Variants in PARD6G observed in about 807,000 individuals in gnomAD.
The protein encoded by PARD6G is partitioning defective 6 homolog gamma.
Under a neutral mutation model 10.7 loss-of-function variants are expected in PARD6G, and 7 were observed. The observed-to-expected ratio is 0.66, with a 90% CI of 0.37 to 1.23. The LOEUF is 1.23. Among genes scored for constraint, PARD6G ranks in the 50% most tolerant of loss-of-function variants. The pLI, the probability that PARD6G is intolerant of heterozygous loss-of-function variation, is 0.02. For missense variants in PARD6G, 548 were observed against 571.8 expected, an observed-to-expected ratio of 0.96 and a Z score of 0.42; for synonymous variants, 287 against 269.4, an observed-to-expected ratio of 1.07 and a Z score of -0.64.
At position 80,246,932 on chromosome 18, in the gene PARD6G, C is replaced by T. The variant is rs902200799; in HGVS notation, c.72+345G>A. On this transcript the variant is annotated intron_variant, in intron 1 of 2. Transcript: ENST00000353265. This position sits in a 1 kb window ranked among gnomAD's most constrained non-coding sequence, Gnocchi z 6.7. ...AGCAGCCCCTGGCCCTCAACTCGCC[C>T]CGGAAAGGCCGCCCTCCCCTCCAAT... is the stretch of plus-strand genomic sequence containing the variant. 6.6e-6 allele frequency among the ~76,000 whole-genome samples: 1 copy of T among 152,138 alleles called. No individual in the cohort carries two copies. Among genetic ancestry groups the T allele is most frequent in the Non-Finnish European group, 1.5e-5 (1 of 67,998 alleles).
intron 2 of PARD6G, among the ~76,000 whole-genome samples, chr18:80,168,573 T>TTGTGTTTG (rs1555733994): frequency 6.9e-6 from 1 of 144,336 alleles, no homozygotes; most frequent in Non-Finnish European, 1.5e-5. Context: ...CAAATTATGT[T>TTGTGTTTG]TGTGTGTGTG....
rs1401686153 is a variant in PARD6G, at chr18:80,231,087, C to A, written c.72+16190G>T. Among the ~76,000 whole-genome samples the A allele has an allele frequency of 6.6e-6, 1 of 152,098 alleles. No homozygotes were observed. The highest frequency in any genetic ancestry group is 2.4e-5 in the African/African-American group (1 of 41,422). Reference sequence around the variant, plus strand: ...GGGGTGCCCTTTGTGAGAAGGAACACCCCAGGTGGGAGGGGATGCCCCTCA... The same window carrying A: ...GGGGTGCCCTTTGTGAGAAGGAACAACCCAGGTGGGAGGGGATGCCCCTCA... On this transcript the variant is annotated intron_variant, in intron 1 of 2. Transcript: ENST00000353265. This position sits in a 1 kb window ranked among gnomAD's most constrained non-coding sequence, Gnocchi z 4.2.
At chr18:80,217,327 C>T (rs1272808099) in intron 1 of PARD6G, among the ~76,000 whole-genome samples, 1 of 151,978 alleles carries the variant, frequency 6.6e-6, no homozygotes, top group African/African-American at 2.4e-5. Flanking sequence ...AATTTATTAC[C>T]AAATAGATAC....
intron 2 of PARD6G, among the ~76,000 whole-genome samples, chr18:80,195,544 GATACAT>G (rs1263457877): frequency 1.3e-4 from 3 of 23,686 alleles, no homozygotes; most frequent in Non-Finnish European, 2.7e-4. Context: ...AGTCTTCAAA[GATACAT>G]ATATATATAT....
intron 2 of PARD6G, among the ~76,000 whole-genome samples, chr18:80,177,025 GCACACACACA>G (rs111315126): frequency 1.5e-5 from 2 of 137,124 alleles, no homozygotes; most frequent in Non-Finnish European, 3.1e-5. Context: ...GCGCGCGCGT[GCACACACACA>G]CACACACACA....
intron 1 of PARD6G, among the ~76,000 whole-genome samples, chr18:80,220,914 G>T (rs779486628): frequency 2.0e-5 from 3 of 152,080 alleles, no homozygotes; most frequent in Non-Finnish European, 4.4e-5. Context: ...TGTAAAAAGG[G>T]ATCATAGAGG....
intron 1 of PARD6G, among the ~76,000 whole-genome samples, chr18:80,220,261 A>G (rs1206874742): frequency 6.6e-6 from 1 of 152,180 alleles, no homozygotes; most frequent in Non-Finnish European, 1.5e-5. Flanking sequence ...AACAGCATAG[A>G]GGTAACTGCC....
chr18:80,216,475 G>A (rs1967167101), intron 1 of PARD6G, among the ~76,000 whole-genome samples: 1 of 151,960 alleles, frequency 6.6e-6, no homozygotes, highest in Non-Finnish European at 1.5e-5. Flanking sequence ...GAAAATGTGA[G>A]AAATTCACAA....
rs375644739 is a variant in PARD6G, at chr18:80,202,864, C to T, written c.141G>A (p.Lys47=). The part of the protein sequence containing the change: ...HKPGKFEDFY[K]LVVHTHHISN... ...AGATATGGTGGGTGTGCACAACCAG[C>T]TTGTAGAAATCTTCAAACTTCCCAG... is the stretch of plus-strand genomic sequence containing the variant. The change falls in exon 2 of 3, where the codon AAG becomes AAA. Residue 47 remains lysine (K), a synonymous_variant. Coordinates refer to ENST00000353265, the MANE Select transcript of PARD6G (RefSeq NM_032510.4). 1.2e-6 allele frequency: 2 copies of T among 1,608,126 alleles called. No individual in the cohort carries two copies. Among genetic ancestry groups the T allele is most frequent in the African/African-American group, 2.7e-5 (2 of 73,334 alleles).
chr18:80,159,781 A>C lies in PARD6G; in HGVS notation c.1121T>G (p.Val374Gly). The C allele has an allele frequency of 7.0e-7, 1 of 1,427,466 alleles. No individual in the cohort carries two copies. The highest frequency in any genetic ancestry group is 9.1e-7 in the Non-Finnish European group (1 of 1,095,838). 88.4% of individuals were successfully genotyped at this position (1,427,466 alleles called of 1,614,324 possible). Residue 374 changes from valine (V) to glycine (G), a missense_variant, in exon 3 of 3, where the codon GTC (valine) becomes GGC (glycine). Physicochemically the swap from Val to Gly is moderately radical, Grantham distance 109. Transcript: ENST00000353265. ...GGGCCTCTCGGGAGTCTAGAGCGTG[A>C]CCGCGGGCCCGTGCTCCTCCACGCC... ...PGGVEEHGPA[V>G]TL
At chr18:80,170,080 C>T (rs2052765500) in intron 2 of PARD6G, 1 of 152,204 alleles carries the variant, frequency 6.6e-6, no homozygotes. Context: ...AAATTCCTTC[C>T]CCATAATTAA....
chr18:80,185,010 C>T (rs1263952060), intron 2 of PARD6G: 2 of 152,136 alleles, frequency 1.3e-5, no homozygotes, highest in African/African-American at 4.8e-5. Context: ...ATGAACTTAC[C>T]CTCCTAGGTG....
intron 2 of PARD6G, among the ~76,000 whole-genome samples, chr18:80,190,134 T>C (rs1966884652): frequency 1.3e-5 from 2 of 152,290 alleles, no homozygotes; most frequent in Middle Eastern, 3.4e-3. Context: ...ATCTCTCCTT[T>C]TATTATAAGG....
chr18:80,186,592 G>GCA (rs2052880861), intron 2 of PARD6G, among the ~76,000 whole-genome samples: 1 of 151,800 alleles, frequency 6.6e-6, no homozygotes, highest in Non-Finnish European at 1.5e-5. Flanking sequence ...CCCAAAGGAT[G>GCA]CACACACACA....
intron 1 of PARD6G, among the ~76,000 whole-genome samples, chr18:80,240,206 T>G (rs1471563446): frequency 6.6e-6 from 1 of 152,212 alleles, no homozygotes; most frequent in African/African-American, 2.4e-5. Flanking sequence ...GTCAAATATC[T>G]AAGCTATAAC....
chr18:80,174,648 G>A (rs945981922), intron 2 of PARD6G, among the ~76,000 whole-genome samples: 3 of 151,990 alleles, frequency 2.0e-5, no homozygotes, highest in Non-Finnish European at 1.5e-5. Context: ...ATGCCCCTTT[G>A]CCAAAGTAAA....
rs994592788 is a variant in PARD6G, at chr18:80,231,731, G to T, written c.72+15546C>A. 6.6e-6 allele frequency among the ~76,000 whole-genome samples: 1 copy of T among 152,112 alleles called. No homozygotes were observed. The highest frequency in any genetic ancestry group is 1.5e-5 in the Non-Finnish European group (1 of 68,012). ...GAGCGAGTGAGACTCCAGCCAATGG[G>T]AGCAATTCACTCGCTCAACTTGCTC... On this transcript the variant is annotated intron_variant, in intron 1 of 2. Transcript: ENST00000353265. The surrounding 1 kb of genome is among the most constrained non-coding windows in gnomAD (Gnocchi z 4.2).
At chr18:80,197,539 A>G (rs1296721660) in intron 2 of PARD6G, 1 of 152,248 alleles carries the variant, frequency 6.6e-6, no homozygotes, top group African/African-American at 2.4e-5. Context: ...TAAGGAGTTC[A>G]GAGTGCTCTG....
chr18:80,200,624 G>A lies in PARD6G; in HGVS notation c.295+2086C>T, dbSNP rs1365885659. The stretch of plus-strand genomic sequence containing the variant: ...CAGGGGCTGCTGGCGACACGCTCAC[G>A]CTATAACCACGAGAGACTGAGAAAC... On this transcript the variant is annotated intron_variant, in intron 2 of 2. Transcript: ENST00000353265. The surrounding 1 kb of genome is among the most constrained non-coding windows in gnomAD (Gnocchi z 4.4). Among the ~76,000 whole-genome samples, 2 of 152,142 alleles carry A rather than the reference G, an allele frequency of 1.3e-5. No homozygotes were observed. Among genetic ancestry groups the A allele is most frequent in the South Asian group, 2.1e-4 (1 of 4,824 alleles).
Sources: allele counts gnomAD v4.1 joint callset (sites outside exome capture counted in the v4.1 genomes callset), GRCh38; gene constraint gnomAD v4.1.1; non-coding constraint Gnocchi (gnomAD v3.1); transcripts MANE v1.5; gene names NCBI Gene and HGNC (gene_info 2026-07-23, HGNC 2026-07-21).